The following CTTNBP2 variants were observed in gnomAD, a reference collection of about 807,000 sequenced individuals.
CTTNBP2 encodes the protein cortactin binding protein 2.
CTTNBP2 carries 108 observed loss-of-function variants against 156.9 expected under a neutral mutation model. The ratio of observed to expected loss-of-function variants is 0.69; its 90% CI spans 0.59 to 0.81. The LOEUF (loss-of-function observed/expected upper bound fraction) is 0.81. CTTNBP2 is among the 30% of genes least tolerant of loss of function. The probability of loss-of-function intolerance (pLI) is 0.00; values close to 1 mark genes in which losing one functional copy is unlikely to be tolerated. For missense variants in CTTNBP2, 1,924 were observed against 2,035.4 expected (o/e 0.95, Z 1.05); for synonymous variants, 767 against 751.8 (o/e 1.02, Z -0.33).
rs145107757 is a variant in CTTNBP2, at chr7:117,728,173, C to A, written c.3971G>T (p.Arg1324Leu). 5.6e-6 allele frequency: 9 copies of A among 1,614,126 alleles called. No homozygotes were observed. The highest frequency in any genetic ancestry group is 3.3e-5 in the South Asian group (3 of 91,082). ...VWRQLNSCLA[R>L]LGTPEALLGP... ...AAGAAGTGCTTCAGGTGTGCCCAAG[C>A]GGGCCAGGCAGGAGTTAAGCTGACG... Residue 1324 changes from arginine to leucine, a missense_variant, in exon 17 of 23, where the codon CGC becomes CTC. Arg to Leu is a moderately radical substitution (Grantham distance 102). Coordinates refer to ENST00000160373, the MANE Select transcript of CTTNBP2 (RefSeq NM_033427.3).
chr7:117,712,009 A>G (rs1428874497), intron 22 of CTTNBP2, among the ~76,000 whole-genome samples: 1 of 152,204 alleles, frequency 6.6e-6, no homozygotes, highest in Non-Finnish European at 1.5e-5. Flanking sequence ...TAAATACAGG[A>G]GTCAGTGAAT....
chr7:117,871,844 T>TCACTCACACACACACACACACA (rs1804620806), intron 1 of CTTNBP2: 1 of 298,196 alleles, frequency 3.4e-6, no homozygotes, highest in African/African-American at 3.3e-5. Context: ...TCCTTCCCCT[T>TCACTCACACACACACACACACA]CACACACACA....
At chr7:117,841,640 T>C (rs79656011) in intron 2 of CTTNBP2, among the ~76,000 whole-genome samples, 3,041 of 152,312 alleles carry the variant, frequency 0.02, 120 homozygotes, top group African/African-American at 0.07. Context: ...TAGTCTCAGA[T>C]AGAAAGCTAT....
intron 3 of CTTNBP2, among the ~76,000 whole-genome samples, chr7:117,793,157 C>T (rs891589385): frequency 1.3e-5 from 2 of 152,120 alleles, no homozygotes; most frequent in Non-Finnish European, 2.9e-5. Flanking sequence ...AGGTTTAATG[C>T]TTTAAAATTA....
At chr7:117,759,104 T>C (rs141064570) in intron 10 of CTTNBP2, among the ~76,000 whole-genome samples, 235 of 152,280 alleles carry the variant, frequency 1.5e-3, no homozygotes, top group African/African-American at 5.5e-3. Flanking sequence ...AAGTACATTA[T>C]AACAATTCTA....
intron 19 of CTTNBP2, among the ~76,000 whole-genome samples, chr7:117,723,538 T>A (rs1460868119): frequency 2.0e-5 from 3 of 152,212 alleles, no homozygotes; most frequent in Admixed American, 1.3e-4. Flanking sequence ...TTCATTTTTA[T>A]TCCAATTTGG....
At chr7:117,816,332 T>C (rs542322588) in intron 2 of CTTNBP2, among the ~76,000 whole-genome samples, 4 of 152,338 alleles carry the variant, frequency 2.6e-5, no homozygotes, top group East Asian at 3.9e-4. Context: ...TCATTGTTCT[T>C]TGCACCCCCT....
At chr7:117,772,183 T>C (rs920879701) in intron 8 of CTTNBP2, among the ~76,000 whole-genome samples, 5 of 152,042 alleles carry the variant, frequency 3.3e-5, no homozygotes, top group African/African-American at 9.7e-5. Context: ...CACATGGCAA[T>C]GTAAAGGGAA....
intron 2 of CTTNBP2, among the ~76,000 whole-genome samples, chr7:117,851,890 A>G (rs1802951705): frequency 1.3e-5 from 2 of 152,180 alleles, no homozygotes; most frequent in South Asian, 4.1e-4. Context: ...TGAAAAATGT[A>G]TTCCCAGGCA....
intron 2 of CTTNBP2, among the ~76,000 whole-genome samples, chr7:117,851,285 G>A (rs1481319392): frequency 2.6e-5 from 4 of 151,990 alleles, no homozygotes; most frequent in African/African-American, 9.7e-5. Context: ...AGAAAAAGAA[G>A]AGAGGAAATA....
chr7:117,801,593 T>A (rs1799605912), intron 3 of CTTNBP2, among the ~76,000 whole-genome samples: 2 of 152,226 alleles, frequency 1.3e-5, no homozygotes, highest in East Asian at 3.8e-4. Context: ...ATAAATTTCC[T>A]CATTTTAAAA....
rs1211025005 is a variant in CTTNBP2 at position 117,735,094 on chromosome 7, C to T, written c.3695G>A (p.Gly1232Glu). Residue 1232 changes from glycine (G) to glutamate (E), a missense_variant, in exon 16 of 23, where the codon GGA (glycine) becomes GAA (glutamate). Coordinates refer to ENST00000160373, the MANE Select transcript of CTTNBP2 (RefSeq NM_033427.3). ...ATGAAAGTAATAACATTCGGACAGT[C>T]CATTTCCTGAAACAAACCAAAAAGC... The part of the protein sequence containing the change: ...ESPCTFQKGN[G>E]LSECYYFHEN... 10 of 1,610,844 alleles carry T rather than the reference C, an allele frequency of 6.2e-6. No individual in the cohort carries two copies. The South Asian group carries it at 9.9e-5, about 16-fold the overall frequency.
intron 3 of CTTNBP2, among the ~76,000 whole-genome samples, chr7:117,795,094 C>T (rs1004400222): frequency 1.5e-4 from 23 of 150,378 alleles, no homozygotes; most frequent in African/African-American, 5.4e-4. Flanking sequence ...GACGGGGTTT[C>T]ACCTTGTTAG....
Position 117,860,325 on chromosome 7 carries a change from T to G in CTTNBP2, c.189+884A>C, listed in dbSNP as rs34232878. Among the ~76,000 whole-genome samples, 1,040 of 152,198 alleles carry G rather than the reference T, an allele frequency of 6.8e-3. 16 individuals carry two copies. The highest frequency in any genetic ancestry group is 0.024 in the African/African-American group (982 of 41,540). ...AAAATTGGTGATTAGACTTTCTTGATGTATTGTTTTTTCTTTTCTTTTTTC... is the reference window on the plus strand; with the variant it reads ...AAAATTGGTGATTAGACTTTCTTGAGGTATTGTTTTTTCTTTTCTTTTTTC... On this transcript the variant is annotated intron_variant, in intron 2 of 22. Coordinates refer to ENST00000160373, the MANE Select transcript of CTTNBP2 (RefSeq NM_033427.3).
At chr7:117,737,152 T>A (rs1170818080) in intron 14 of CTTNBP2, among the ~76,000 whole-genome samples, 2 of 152,164 alleles carry the variant, frequency 1.3e-5, no homozygotes, top group Non-Finnish European at 2.9e-5. Context: ...GTGTGTCAGA[T>A]CCCTTTCAAC....
chr7:117,712,927 C>A (rs540481743), intron 22 of CTTNBP2, among the ~76,000 whole-genome samples: 8 of 152,206 alleles, frequency 5.3e-5, no homozygotes, highest in Non-Finnish European at 1.2e-4. Context: ...AGGCTGTGGA[C>A]CAGTCCATGG....
intron 14 of CTTNBP2, among the ~76,000 whole-genome samples, chr7:117,736,896 A>G (rs1212496390): frequency 6.6e-6 from 1 of 152,226 alleles, no homozygotes; most frequent in Admixed American, 6.5e-5. Flanking sequence ...TGAGAGTAAC[A>G]TTACCAAATA....
At chr7:117,719,457 C>A (rs1270356458) in intron 21 of CTTNBP2, 47 bp downstream of exon 21, 3 of 1,539,984 alleles carry the variant, frequency 1.9e-6, no homozygotes, top group Admixed American at 3.8e-5. Context: ...AAAAGTCTCC[C>A]AGCTGTTGAG....
At chr7:117,811,564 A>G (rs1313465652) in intron 2 of CTTNBP2, among the ~76,000 whole-genome samples, 4 of 152,104 alleles carry the variant, frequency 2.6e-5, no homozygotes, top group African/African-American at 9.7e-5. Context: ...TGGCCTCCCA[A>G]AGTGCTGGGA....
Sources: gnomAD v4.1 joint callset for allele counts (sites outside exome capture counted in the v4.1 genomes callset) on GRCh38, gnomAD v4.1.1 for gene constraint, MANE v1.5 for transcripts, NCBI Gene and HGNC (gene_info 2026-07-23, HGNC 2026-07-21) for gene names.